CNTNAP2: variants seen among roughly 807,000 people sequenced by gnomAD.
The protein encoded by CNTNAP2 is contactin-associated protein-like 2.
Under a neutral mutation model 155.2 loss-of-function variants are expected in CNTNAP2, and 98 were observed. That is an observed-to-expected ratio of 0.63 (90% CI 0.54 to 0.75). CNTNAP2 has a LOEUF of 0.75. Ranked by LOEUF, CNTNAP2 falls within the 30% of genes least tolerant of loss-of-function variation. The probability of loss-of-function intolerance (pLI) is 0.00; values close to 1 mark genes in which losing one functional copy is unlikely to be tolerated. For synonymous variants in CNTNAP2, 651 were observed against 631.2 expected (o/e 1.03, Z -0.47); for missense variants, 1,727 against 1,688.1 (o/e 1.02, Z -0.40).
At chr7:146,122,427 T>C (rs185633205) in intron 1 of CNTNAP2, among the ~76,000 whole-genome samples, 1 of 152,370 alleles carries the variant, frequency 6.6e-6, no homozygotes, top group Non-Finnish European at 1.5e-5. Context: ...ATTTCCTCTC[T>C]GTGAGTTATT....
intron 1 of CNTNAP2, among the ~76,000 whole-genome samples, chr7:146,766,934 CAA>C (rs1277172482): frequency 6.6e-6 from 1 of 151,744 alleles, no homozygotes; most frequent in African/African-American, 2.4e-5. Context: ...TAGTAGGAAA[CAA>C]GAGAGATATA....
intron 14 of CNTNAP2, among the ~76,000 whole-genome samples, chr7:147,963,500 A>G (rs1801148718): frequency 6.6e-6 from 1 of 152,162 alleles, no homozygotes; most frequent in East Asian, 1.9e-4. Flanking sequence ...AAGAAGAAAG[A>G]CATCCTAGAA....
chr7:146,185,406 C>A (rs920398467), intron 1 of CNTNAP2, among the ~76,000 whole-genome samples: 4 of 152,006 alleles, frequency 2.6e-5, no homozygotes, highest in Non-Finnish European at 5.9e-5. Flanking sequence ...TCGATAGAGA[C>A]CATGTAACTC....
rs148745645 is a variant in CNTNAP2 at position 147,178,642 on chromosome 7, G to T, written c.1348+46133G>T. 4.2e-4 allele frequency among the ~76,000 whole-genome samples: 64 copies of T among 152,234 alleles called. 5 individuals are homozygous for T. The East Asian group carries it at 0.012, about 29-fold the overall frequency. On this transcript the variant is annotated intron_variant, in intron 8 of 23. Transcript: ENST00000361727. ...AAATACTGTCTATGCCCTAGGAATG[G>T]CTACCCTGATTTTCTCATTAGTGCA...
intron 4 of CNTNAP2, among the ~76,000 whole-genome samples, chr7:147,067,901 C>T (rs1359288070): frequency 6.6e-6 from 1 of 152,178 alleles, no homozygotes; most frequent in Non-Finnish European, 1.5e-5. Context: ...AAACTTATGC[C>T]TTAGAACAGA....
intron 13 of CNTNAP2, among the ~76,000 whole-genome samples, chr7:147,752,469 C>G (rs1054518265): frequency 6.6e-6 from 1 of 152,122 alleles, no homozygotes; most frequent in Admixed American, 6.5e-5. Flanking sequence ...AAAATGGAAC[C>G]GTCGTTCATT....
intron 13 of CNTNAP2, among the ~76,000 whole-genome samples, chr7:147,718,045 G>T (rs983474827): frequency 2.0e-5 from 3 of 151,938 alleles, no homozygotes. Context: ...TGAAATCAAG[G>T]ATAAATTCAT....
At chr7:148,348,191 A>G (rs1798360681) in intron 21 of CNTNAP2, among the ~76,000 whole-genome samples, 1 of 152,154 alleles carries the variant, frequency 6.6e-6, no homozygotes, top group Non-Finnish European at 1.5e-5. Flanking sequence ...GATTCAAGCC[A>G]CTGGGTCTGA....
At chr7:147,392,505 CT>C (rs1796736937) in intron 9 of CNTNAP2, among the ~76,000 whole-genome samples, 3 of 152,080 alleles carry the variant, frequency 2.0e-5, no homozygotes, top group East Asian at 1.9e-4. Flanking sequence ...TCCTTCACCC[CT>C]CTCCCACCTT....
intron 4 of CNTNAP2, among the ~76,000 whole-genome samples, chr7:147,053,786 A>G (rs1439678163): frequency 6.6e-6 from 1 of 152,172 alleles, no homozygotes; most frequent in Non-Finnish European, 1.5e-5. Context: ...AAGTATATAT[A>G]CACATTTTGG....
intron 3 of CNTNAP2, among the ~76,000 whole-genome samples, chr7:147,037,123 A>G (rs1799164942): frequency 1.3e-5 from 2 of 152,134 alleles, no homozygotes; most frequent in African/African-American, 4.8e-5. Context: ...AGAAAACATA[A>G]TATTATTGAT....
Position 146,872,869 on chromosome 7 carries a change from C to T in CNTNAP2, c.402+32965C>T, listed in dbSNP as rs151164907. On this transcript the variant is annotated intron_variant, in intron 3 of 23. Transcript: ENST00000361727. Reference sequence around the variant, plus strand: ...CAGTGTTATCTGTTTATCTGAGGGTCAGTATAGTTGAGAAAATTCATTTTA... The same window carrying T: ...CAGTGTTATCTGTTTATCTGAGGGTTAGTATAGTTGAGAAAATTCATTTTA... Among the ~76,000 whole-genome samples, 4 of 152,290 alleles carry T rather than the reference C, an allele frequency of 2.6e-5. No homozygotes were observed. The East Asian group carries it at 7.7e-4, about 29-fold the overall frequency.
chr7:146,281,177 A>G (rs1414116063), intron 1 of CNTNAP2, among the ~76,000 whole-genome samples: 3 of 152,050 alleles, frequency 2.0e-5, no homozygotes, highest in South Asian at 4.1e-4. Flanking sequence ...TTCAAGTTTG[A>G]TTTTTCTGTT....
chr7:147,907,438 T>C (rs1342922838), intron 14 of CNTNAP2, among the ~76,000 whole-genome samples: 1 of 152,186 alleles, frequency 6.6e-6, no homozygotes, highest in Non-Finnish European at 1.5e-5. Context: ...GAAATCTTCT[T>C]GGTCTTTGAA....
intron 12 of CNTNAP2, among the ~76,000 whole-genome samples, chr7:147,606,687 A>G (rs1003259625): frequency 6.6e-6 from 1 of 152,266 alleles, no homozygotes; most frequent in Non-Finnish European, 1.5e-5. Flanking sequence ...AATATGTTAC[A>G]GAGACACTGT....
At chr7:146,708,476 A>G (rs1801005094) in intron 1 of CNTNAP2, among the ~76,000 whole-genome samples, 1 of 151,594 alleles carries the variant, frequency 6.6e-6, no homozygotes, top group South Asian at 2.1e-4. Flanking sequence ...CTACAAATAA[A>G]TGAGCTATTT....
chr7:147,333,481 C>T (rs1470780959), intron 9 of CNTNAP2, among the ~76,000 whole-genome samples: 1 of 152,134 alleles, frequency 6.6e-6, no homozygotes, highest in African/African-American at 2.4e-5. Flanking sequence ...TTGAGAGCTG[C>T]ATACAGAAAA....
At chr7:146,584,272 C>T (rs762046694) in intron 1 of CNTNAP2, among the ~76,000 whole-genome samples, 20 of 152,134 alleles carry the variant, frequency 1.3e-4, no homozygotes, top group Non-Finnish European at 2.2e-4. Context: ...TATGACACCC[C>T]GAGCTTCAGT....
chr7:146,825,566 A>G (rs574528357), intron 2 of CNTNAP2, among the ~76,000 whole-genome samples: 4 of 152,244 alleles, frequency 2.6e-5, no homozygotes, highest in East Asian at 1.9e-4. Flanking sequence ...CTTCCTCAAA[A>G]ATGAACTAAA....
Sources: allele counts gnomAD v4.1 joint callset (sites outside exome capture counted in the v4.1 genomes callset), GRCh38; gene constraint gnomAD v4.1.1; transcripts MANE v1.5; gene names NCBI Gene and HGNC (gene_info 2026-07-23, HGNC 2026-07-21).